TMEM178B: variants seen among roughly 807,000 people sequenced by gnomAD.
The protein encoded by TMEM178B is transmembrane protein 178B.
Under a neutral mutation model 31.0 loss-of-function variants are expected in TMEM178B, and 5 were observed. That is an observed-to-expected ratio of 0.16 (90% CI 0.08 to 0.34). TMEM178B has a LOEUF of 0.34. Among genes scored for constraint, TMEM178B ranks in the 10% least tolerant of loss-of-function variants. The pLI, the probability that TMEM178B is intolerant of heterozygous loss-of-function variation, is 1.00. For synonymous variants in TMEM178B, 164 were observed against 164.0 expected (o/e 1.00, Z 0.00); for missense variants, 275 against 400.3 (o/e 0.69, Z 2.67).
At chr7:141,203,490 C>T (rs1333584841) in intron 1 of TMEM178B, among the ~76,000 whole-genome samples, 1 of 152,220 alleles carries the variant, frequency 6.6e-6, no homozygotes, top group Admixed American at 6.5e-5. Context: ...ATGTCCCTTC[C>T]TCCCTTTCTT....
rs911965584 is a variant in TMEM178B, at chr7:141,318,583, C to T, written c.496+105879C>T. Among the ~76,000 whole-genome samples the T allele has an allele frequency of 1.3e-5, 2 of 152,208 alleles. No individual in the cohort carries two copies. The highest frequency in any genetic ancestry group is 6.5e-5 in the Admixed American group (1 of 15,278). ...TATTGGAGACTAAAATATTCCTCAT[C>T]TCTTCAAACCCGTGCTGTGTTGCCC... On this transcript the variant is annotated intron_variant, in intron 2 of 3. Coordinates refer to ENST00000565468, the MANE Select transcript of TMEM178B (RefSeq NM_001195278.2). The surrounding 1 kb of genome is among the most constrained non-coding windows in gnomAD (Gnocchi z 4.1).
At chr7:141,350,132 C>T (rs1380993479) in intron 2 of TMEM178B, among the ~76,000 whole-genome samples, 1 of 152,096 alleles carries the variant, frequency 6.6e-6, no homozygotes, top group African/African-American at 2.4e-5. Context: ...CAGTATCTAC[C>T]TTCCAGATGT....
intron 2 of TMEM178B, among the ~76,000 whole-genome samples, chr7:141,363,293 T>C (rs1341175658): frequency 1.3e-5 from 2 of 152,198 alleles, no homozygotes; most frequent in African/African-American, 4.8e-5. Flanking sequence ...AGCCAAAATA[T>C]TTTGAGCAAA....
chr7:141,157,373 G>T (rs940442418), intron 1 of TMEM178B, among the ~76,000 whole-genome samples: 1 of 151,950 alleles, frequency 6.6e-6, no homozygotes, highest in African/African-American at 2.4e-5. Flanking sequence ...CAGCTTTAAG[G>T]CAAGAAGCAT....
the TMEM178B span, among the ~76,000 whole-genome samples, chr7:141,509,893 A>G: frequency 3.0e-3 from 464 of 152,324 alleles, 6 homozygotes; most frequent in African/African-American, 0.01. Context: ...CCACTGGACT[A>G]GAGGATGTCT....
the TMEM178B span, among the ~76,000 whole-genome samples, chr7:141,496,037 G>C: frequency 6.6e-6 from 1 of 152,038 alleles, no homozygotes; most frequent in African/African-American, 2.4e-5. Context: ...TTGGGGATTC[G>C]GCCATTCTCT....
chr7:141,205,889 G>A (rs189710658), intron 1 of TMEM178B, among the ~76,000 whole-genome samples: 12 of 152,308 alleles, frequency 7.9e-5, no homozygotes, highest in African/African-American at 2.4e-4. Context: ...GTCACTGCAC[G>A]CAGTTTCTGT....
intron 2 of TMEM178B, among the ~76,000 whole-genome samples, chr7:141,249,282 C>G (rs574038709): frequency 6.6e-6 from 1 of 152,292 alleles, no homozygotes; most frequent in African/African-American, 2.4e-5. Context: ...TCCACGTTTG[C>G]TTGGGTCCTC....
rs1285582208 is a variant in TMEM178B at position 141,479,301 on chromosome 7, C to T, written c.*8515C>T. 2.0e-5 allele frequency: 3 copies of T among 152,164 alleles called. No homozygotes were observed. In the South Asian group the frequency reaches 6.2e-4, roughly 32 times the overall value. 9.4% of individuals were successfully genotyped at this position (152,164 alleles called of 1,614,324 possible). A position where few individuals can be genotyped will look rare whatever the true frequency, so the allele number is the denominator to read the frequency against. On this transcript the variant is annotated 3_prime_UTR_variant, in exon 4 of 4. Coordinates refer to ENST00000565468, the MANE Select transcript of TMEM178B (RefSeq NM_001195278.2). ...CAATATTTGGAGCTGTTTTCTGAATCCCTTAATTTTCTTAAATATTTATCT... is the reference window on the plus strand; with the variant it reads ...CAATATTTGGAGCTGTTTTCTGAATTCCTTAATTTTCTTAAATATTTATCT...
At chr7:141,130,025 A>C (rs1795568968) in intron 1 of TMEM178B, among the ~76,000 whole-genome samples, 1 of 152,218 alleles carries the variant, frequency 6.6e-6, no homozygotes, top group Admixed American at 6.5e-5. Context: ...AAGACAATAG[A>C]TGACCGATGT....
chr7:141,469,981 A>G (rs1019904723), intron 3 of TMEM178B, among the ~76,000 whole-genome samples: 2 of 152,242 alleles, frequency 1.3e-5, no homozygotes, highest in African/African-American at 4.8e-5. Context: ...TTAGCACTCC[A>G]GAGAGAACAC....
intron 2 of TMEM178B, among the ~76,000 whole-genome samples, chr7:141,426,984 CT>C (rs1267399142): frequency 2.8e-4 from 43 of 152,150 alleles, no homozygotes; most frequent in Admixed American, 9.8e-4. Context: ...AATTTAAACA[CT>C]TAGGAGTAAA....
At chr7:141,409,121 A>C (rs990394824) in intron 2 of TMEM178B, among the ~76,000 whole-genome samples, 3 of 152,168 alleles carry the variant, frequency 2.0e-5, no homozygotes, top group African/African-American at 7.2e-5. Context: ...TGGAATAGCA[A>C]GATCAGGTGT....
chr7:141,312,956 A>G (rs1798939146), intron 2 of TMEM178B, among the ~76,000 whole-genome samples: 1 of 152,222 alleles, frequency 6.6e-6, no homozygotes, highest in Admixed American at 6.5e-5. Flanking sequence ...GTCCAAATTT[A>G]GGCCAGTTAC....
At chr7:141,147,111 C>T (rs559606560) in intron 1 of TMEM178B, among the ~76,000 whole-genome samples, 1 of 152,290 alleles carries the variant, frequency 6.6e-6, no homozygotes, top group African/African-American at 2.4e-5. Flanking sequence ...TGCTACTCCC[C>T]TTGAATTGGA....
chr7:141,452,618 A>G (rs1801886268), intron 3 of TMEM178B, among the ~76,000 whole-genome samples: 1 of 152,126 alleles, frequency 6.6e-6, no homozygotes, highest in African/African-American at 2.4e-5. Context: ...CCTTGGTGGA[A>G]ATCTCTGTCC....
intron 1 of TMEM178B, among the ~76,000 whole-genome samples, chr7:141,194,364 T>TA (rs1315884773): frequency 2.0e-5 from 3 of 152,110 alleles, no homozygotes; most frequent in Admixed American, 1.3e-4. Flanking sequence ...AAGTATTGGC[T>TA]AAAAACAGCC....
At chr7:141,176,863 C>T (rs1190477331) in intron 1 of TMEM178B, among the ~76,000 whole-genome samples, 1 of 152,062 alleles carries the variant, frequency 6.6e-6, no homozygotes, top group Non-Finnish European at 1.5e-5. Context: ...ATTAGTCTGG[C>T]TAGTGGCCTA....
intron 1 of TMEM178B, among the ~76,000 whole-genome samples, chr7:141,200,111 G>A (rs866353987): frequency 1.3e-5 from 2 of 152,112 alleles, no homozygotes; most frequent in South Asian, 4.1e-4. Flanking sequence ...GAACCCCTGG[G>A]CTCAAGTGAT....
Sources: allele counts gnomAD v4.1 joint callset (sites outside exome capture counted in the v4.1 genomes callset), GRCh38; gene constraint gnomAD v4.1.1; non-coding constraint Gnocchi (gnomAD v3.1); transcripts MANE v1.5; gene names NCBI Gene and HGNC (gene_info 2026-07-23, HGNC 2026-07-21).